Variants in CASK observed in about 807,000 individuals in gnomAD.
CASK encodes peripheral plasma membrane protein CASK.
Under a neutral mutation model 82.9 loss-of-function variants are expected in CASK, and 4 were observed. That is an observed-to-expected ratio of 0.05 (90% CI 0.02 to 0.11). CASK has a LOEUF of 0.11. Among genes scored for constraint, CASK ranks in the 10% least tolerant of loss-of-function variants. CASK has a pLI of 1.00. For missense variants in CASK, 358 were observed against 720.9 expected (o/e 0.50, Z 5.76); for synonymous variants, 259 against 253.5 (o/e 1.02, Z -0.20).
At chrX:41,635,324 T>C (rs939736452) in intron 9 of CASK, among the ~76,000 whole-genome samples, 6 of 112,085 alleles carry the variant, frequency 5.4e-5, no homozygotes, top group South Asian at 7.4e-4. Flanking sequence ...TCTAGAGTTA[T>C]ACATAATAAT....
intron 8 of CASK, among the ~76,000 whole-genome samples, chrX:41,653,863 G>C (rs1392389217): frequency 3.6e-5 from 4 of 112,293 alleles, no homozygotes; most frequent in African/African-American, 1.3e-4. Context: ...GCTCACTACT[G>C]AACAATCAAC....
At chrX:41,642,915 A>G (rs2066684330) in intron 8 of CASK, among the ~76,000 whole-genome samples, 1 of 111,720 alleles carries the variant, frequency 9.0e-6, no homozygotes, top group African/African-American at 3.3e-5. Flanking sequence ...ATCTTGAATT[A>G]ATTTTTGTAT....
rs1030037858 is a variant in CASK at position 41,833,892 on chromosome X, G to A, written c.172+19223C>T. 9.0e-5 allele frequency among the ~76,000 whole-genome samples: 10 copies of A among 111,137 alleles called. No homozygotes were observed. The Admixed American group carries it at 9.5e-4, about 11-fold the overall frequency. On this transcript the variant is annotated intron_variant, in intron 2 of 26. Transcript: ENST00000378163. Reference sequence around the variant, plus strand: ...GCCTCCCAGGTAGTTGGGACTACAGGCACATGCCACCATGCCCAGCTAATT... The same window carrying A: ...GCCTCCCAGGTAGTTGGGACTACAGACACATGCCACCATGCCCAGCTAATT...
intron 25 of CASK, among the ~76,000 whole-genome samples, chrX:41,529,110 C>T (rs2064758624): frequency 8.9e-6 from 1 of 111,922 alleles, no homozygotes; most frequent in Non-Finnish European, 1.9e-5. Context: ...GCCCTCAGGG[C>T]TAGGTGGATC....
intron 1 of CASK, among the ~76,000 whole-genome samples, chrX:41,861,748 T>C (rs1407458051): frequency 9.7e-6 from 1 of 103,413 alleles, no homozygotes; most frequent in African/African-American, 3.5e-5. Context: ...GTATATATAT[T>C]ACATGTATAT....
Position 41,923,149 on chromosome X carries a change from C to A in CASK, c.-161G>T. 1 of 307,265 alleles carries A rather than the reference C, an allele frequency of 3.3e-6. No homozygotes were observed. Among genetic ancestry groups the A allele is most frequent in the South Asian group, 1.1e-4 (1 of 9,504 alleles). 25.3% of individuals were successfully genotyped at this position (307,265 alleles called of 1,213,427 possible). A position where few individuals can be genotyped will look rare whatever the true frequency, so the allele number is the denominator to read the frequency against. ...GTGGGGCCGCGAGGCCCAGAGACTG[C>A]GGCGCCTTCCTCTGCAGGCGACCGC... On this transcript the variant is annotated 5_prime_UTR_variant, in exon 1 of 27. Coordinates refer to ENST00000378163, the MANE Select transcript of CASK (RefSeq NM_001367721.1).
At chrX:41,899,547 T>C (rs1307304374) in intron 1 of CASK, among the ~76,000 whole-genome samples, 9 of 111,631 alleles carry the variant, frequency 8.1e-5, no homozygotes, top group Non-Finnish European at 1.7e-4. Flanking sequence ...GATTCCTTTA[T>C]CTTTTGTGAA....
intron 8 of CASK, among the ~76,000 whole-genome samples, chrX:41,654,872 G>C (rs2066912955): frequency 9.0e-6 from 1 of 110,904 alleles, no homozygotes; most frequent in Admixed American, 9.6e-5. Context: ...AGAGATTACA[G>C]TGAGAAAGCT....
At chrX:41,887,832 A>T (rs1398496123) in intron 1 of CASK, among the ~76,000 whole-genome samples, 1 of 110,033 alleles carries the variant, frequency 9.1e-6, no homozygotes, top group Non-Finnish European at 1.9e-5. Context: ...AAGAAACGTG[A>T]CTCTTAAAAA....
intron 2 of CASK, among the ~76,000 whole-genome samples, chrX:41,852,213 G>T (rs1291258015): frequency 9.0e-6 from 1 of 111,151 alleles, no homozygotes. Flanking sequence ...AAGATCTCCA[G>T]GAACAGACAA....
chrX:41,809,648 G>A (rs1176194515), intron 2 of CASK, among the ~76,000 whole-genome samples: 1 of 112,026 alleles, frequency 8.9e-6, no homozygotes, highest in Non-Finnish European at 1.9e-5. Context: ...AAAAAACAGA[G>A]CAGAAAAGCT....
rs1488319453 is a variant in CASK at position 41,519,518 on chromosome X, G to C, written c.*902C>G. The stretch of plus-strand genomic sequence containing the variant: ...CCCACCTTACAACAAATTAAATTGA[G>C]ACAAAATTACAAACACATTTCACTA... On this transcript the variant is annotated 3_prime_UTR_variant, in exon 27 of 27. Transcript: ENST00000378163. 1 of 110,042 alleles carries C rather than the reference G, an allele frequency of 9.1e-6. No individual in the cohort carries two copies. Among genetic ancestry groups the C allele is most frequent in the East Asian group, 2.8e-4 (1 of 3,548 alleles). The allele number at this position is 110,042 out of a possible 1,213,427, so 9.1% of individuals were successfully genotyped here.
intron 8 of CASK, among the ~76,000 whole-genome samples, chrX:41,643,592 A>G (rs1386045554): frequency 1.8e-5 from 2 of 111,556 alleles, no homozygotes; most frequent in African/African-American, 6.5e-5. Flanking sequence ...ATTGGTGTAT[A>G]GGAATGCTTG....
At chrX:41,884,787 A>G (rs2072018717) in intron 1 of CASK, among the ~76,000 whole-genome samples, 1 of 111,341 alleles carries the variant, frequency 9.0e-6, no homozygotes, top group South Asian at 3.8e-4. Flanking sequence ...GAGCCTCAGG[A>G]GCCATCTTAT....
chrX:41,662,756 G>C (rs776454040), intron 7 of CASK, among the ~76,000 whole-genome samples: 1 of 110,870 alleles, frequency 9.0e-6, no homozygotes, highest in South Asian at 3.9e-4. Context: ...TCGTGCCACT[G>C]CACTCCAGCC....
At position 41,922,634 on chromosome X, in the gene CASK, A is replaced by G. The variant is rs771330091; in HGVS notation, c.59+296T>C. On this transcript the variant is annotated intron_variant, in intron 1 of 26. Transcript: ENST00000378163. ...AATAACCCCAACTGAAGCAACTATA[A>G]AATCGGCTGTGCCACGTCCCTGTGC... Among the ~76,000 whole-genome samples, 46 of 112,172 alleles carry G rather than the reference A, an allele frequency of 4.1e-4. No individual in the cohort carries two copies. In the East Asian group the frequency reaches 0.012, roughly 28 times the overall value.
At chrX:41,576,412 C>T (rs936729839) in intron 15 of CASK, among the ~76,000 whole-genome samples, 5 of 111,117 alleles carry the variant, frequency 4.5e-5, no homozygotes, top group African/African-American at 1.6e-4. Flanking sequence ...GCCTGCTTTG[C>T]CTGGCTGAAC....
chrX:41,643,712 T>C (rs1415726202), intron 8 of CASK, among the ~76,000 whole-genome samples: 1 of 112,054 alleles, frequency 8.9e-6, no homozygotes, highest in Non-Finnish European at 1.9e-5. Context: ...AATCATGTCA[T>C]CTGCAAACAG....
At chrX:41,904,514 T>C (rs1235524346) in intron 1 of CASK, among the ~76,000 whole-genome samples, 1 of 112,228 alleles carries the variant, frequency 8.9e-6, no homozygotes, top group African/African-American at 3.2e-5. Context: ...TGAGAGAAAT[T>C]AAACAATACC....
Sources: allele counts gnomAD v4.1 joint callset (sites outside exome capture counted in the v4.1 genomes callset), GRCh38; gene constraint gnomAD v4.1.1; transcripts MANE v1.5; gene names NCBI Gene and HGNC (gene_info 2026-07-23, HGNC 2026-07-21).